Variants in EYS observed in about 807,000 individuals in gnomAD.
The protein encoded by EYS is protein eyes shut homolog.
EYS carries 250 observed loss-of-function variants against 282.1 expected under a neutral mutation model. The ratio of observed to expected loss-of-function variants is 0.89; its 90% CI spans 0.80 to 0.98. EYS has a LOEUF of 0.98. EYS is among the 50% of genes least tolerant of loss of function. EYS has a pLI of 0.00. For synonymous variants in EYS, 1,355 were observed against 1,282.9 expected, an observed-to-expected ratio of 1.06 and a Z score of -1.20; for missense variants, 4,016 against 3,709.0, an observed-to-expected ratio of 1.08 and a Z score of -2.15.
chr6:65,142,948 GAATC>G (rs770596857), intron 12 of EYS, among the ~76,000 whole-genome samples: 5 of 152,010 alleles, frequency 3.3e-5, no homozygotes, highest in Non-Finnish European at 7.4e-5. Flanking sequence ...GAAACTAGCA[GAATC>G]AATGTAACTA....
chr6:65,442,114 ATTAT>A lies in EYS; in HGVS notation c.863-36751_863-36748del, dbSNP rs552177997. ...AATTGTGTTGCTTTTAGACCATTGA[ATTAT>A]TTGTGTTTTCTTCTTTAAAAAATAT... On this transcript the variant is annotated intron_variant, in intron 5 of 42. Coordinates refer to ENST00000503581, the MANE Select transcript of EYS (RefSeq NM_001142800.2). Among the ~76,000 whole-genome samples, 177 of 152,076 alleles carry A rather than the reference ATTAT, an allele frequency of 1.2e-3. 1 individual carries two copies. Among genetic ancestry groups the A allele is most frequent in the Middle Eastern group, 0.01 (3 of 294 alleles).
intron 2 of EYS, among the ~76,000 whole-genome samples, chr6:65,597,481 A>C (rs1765450219): frequency 6.6e-6 from 1 of 152,086 alleles, no homozygotes; most frequent in African/African-American, 2.4e-5. Context: ...TTTACTAAGA[A>C]ATTACTGATG....
At chr6:65,286,975 G>A (rs1768385082) in intron 12 of EYS, among the ~76,000 whole-genome samples, 1 of 151,346 alleles carries the variant, frequency 6.6e-6, no homozygotes, top group Non-Finnish European at 1.5e-5. Flanking sequence ...AAAGCCGGGA[G>A]CAGCTTATAA....
chr6:65,694,391 A>ATTTT (rs139263235), intron 1 of EYS, among the ~76,000 whole-genome samples: 50,764 of 145,194 alleles, frequency 0.35, 12,173 homozygotes, highest in Non-Finnish European at 0.49. Context: ...GATTCTTCAT[A>ATTTT]TTTTTTTTTT....
intron 11 of EYS, among the ~76,000 whole-genome samples, chr6:65,326,172 C>A (rs1769613061): frequency 6.6e-6 from 1 of 151,898 alleles, no homozygotes; most frequent in African/African-American, 2.4e-5. Flanking sequence ...ATAAATTATA[C>A]ATTTTTATAT....
chr6:64,827,383 C>T (rs1044174636), intron 19 of EYS, among the ~76,000 whole-genome samples: 3 of 151,806 alleles, frequency 2.0e-5, no homozygotes, highest in Non-Finnish European at 4.4e-5. Context: ...GAATTACTGT[C>T]TTATCTTCCA....
At chr6:63,817,288 C>T (rs901207382) in intron 36 of EYS, among the ~76,000 whole-genome samples, 1 of 152,174 alleles carries the variant, frequency 6.6e-6, no homozygotes, top group Admixed American at 6.5e-5. Context: ...GTGAGGCCAC[C>T]TAGAGGATAG....
At chr6:65,268,349 T>C (rs1296663714) in intron 12 of EYS, among the ~76,000 whole-genome samples, 1 of 152,058 alleles carries the variant, frequency 6.6e-6, no homozygotes, top group East Asian at 1.9e-4. Flanking sequence ...GGATAAATTA[T>C]AGATTTGAAA....
At chr6:65,406,435 T>C (rs1391005289) in intron 5 of EYS, among the ~76,000 whole-genome samples, 58 of 152,056 alleles carry the variant, frequency 3.8e-4, no homozygotes, top group Admixed American at 3.8e-3. Context: ...TTCCTTTAAT[T>C]AAGTCCATTT....
At chr6:65,580,836 G>C (rs1000840454) in intron 2 of EYS, among the ~76,000 whole-genome samples, 1 of 151,952 alleles carries the variant, frequency 6.6e-6, no homozygotes, top group Non-Finnish European at 1.5e-5. Context: ...CAAGTGTCAT[G>C]TCTCCCCCAG....
In EYS at chr6:63,861,324, T is replaced by C. The variant is rs577732033; in HGVS notation, c.7228+2862A>G. Among the ~76,000 whole-genome samples, 31 of 152,322 alleles carry C rather than the reference T, an allele frequency of 2.0e-4. 1 individual carries two copies. The highest frequency in any genetic ancestry group is 7.0e-4 in the African/African-American group (29 of 41,574). Reference sequence around the variant, plus strand: ...CTGAATATTATATCTCCAGAAGAGATTTAAAATTTGTCCACTTATCTACAT... The same window carrying C: ...CTGAATATTATATCTCCAGAAGAGACTTAAAATTTGTCCACTTATCTACAT... On this transcript the variant is annotated intron_variant, in intron 36 of 42. Transcript: ENST00000503581.
intron 30 of EYS, among the ~76,000 whole-genome samples, chr6:64,292,670 C>T (rs918898129): frequency 3.9e-5 from 6 of 151,954 alleles, no homozygotes. Context: ...TTCTTTGTGA[C>T]CCCTCCCCAA....
rs557241055 is a variant in EYS, at chr6:64,701,068, G to A, written c.3444-74823C>T. Among the ~76,000 whole-genome samples the A allele has an allele frequency of 4.6e-5, 7 of 151,990 alleles. No homozygotes were observed. The South Asian group carries it at 6.2e-4, about 14-fold the overall frequency. ...ATAAAGAACCCAGAAATAAAGTCAC[G>A]TAACTATAGTCCATTGATATTTGAC... On this transcript the variant is annotated intron_variant, in intron 22 of 42. Coordinates refer to ENST00000503581, the MANE Select transcript of EYS (RefSeq NM_001142800.2).
chr6:63,836,685 T>G (rs980889842), intron 36 of EYS, among the ~76,000 whole-genome samples: 1 of 151,946 alleles, frequency 6.6e-6, no homozygotes. Context: ...TTAAAAAAAA[T>G]TTTTTGGCAT....
At chr6:64,805,463 C>T (rs1424908434) in intron 22 of EYS, among the ~76,000 whole-genome samples, 1 of 151,712 alleles carries the variant, frequency 6.6e-6, no homozygotes, top group Non-Finnish European at 1.5e-5. Flanking sequence ...CTAGATTTAC[C>T]TTTCAAAAAT....
chr6:65,174,966 A>G (rs1196336425), intron 12 of EYS, among the ~76,000 whole-genome samples: 1 of 151,336 alleles, frequency 6.6e-6, no homozygotes, highest in Non-Finnish European at 1.5e-5. Context: ...TCATGGATAC[A>G]GATACAAATA....
chr6:64,977,773 G>A (rs1770518984), intron 14 of EYS, among the ~76,000 whole-genome samples: 2 of 151,730 alleles, frequency 1.3e-5, no homozygotes, highest in Admixed American at 1.3e-4. Context: ...TAGAGTGAAA[G>A]TTTTAGTAAT....
chr6:65,198,506 T>A (rs9345598), intron 12 of EYS, among the ~76,000 whole-genome samples: 34,644 of 151,962 alleles, frequency 0.23, 4,430 homozygotes, highest in East Asian at 0.41. Flanking sequence ...AGGGATTTTT[T>A]TTTACACCTG....
intron 5 of EYS, among the ~76,000 whole-genome samples, chr6:65,423,206 G>A (rs1209474960): frequency 6.6e-6 from 1 of 151,818 alleles, no homozygotes; most frequent in Non-Finnish European, 1.5e-5. Context: ...AGAAGGGGGA[G>A]GAGTAAATAT....
Sources: gnomAD v4.1 joint callset for allele counts (sites outside exome capture counted in the v4.1 genomes callset) on GRCh38, gnomAD v4.1.1 for gene constraint, MANE v1.5 for transcripts, NCBI Gene and HGNC (gene_info 2026-07-23, HGNC 2026-07-21) for gene names.